The following PHF21B variants were observed in gnomAD, a reference collection of about 807,000 sequenced individuals.
PHF21B encodes PHD finger protein 4.
A neutral mutation model predicts 62.2 loss-of-function variants in PHF21B; 22 were observed. That is an observed-to-expected ratio of 0.35 (90% confidence interval 0.25 to 0.51). The LOEUF (loss-of-function observed/expected upper bound fraction) is 0.51, where lower values mean the gene tolerates loss of function less well. Among genes scored for constraint, PHF21B ranks in the 20% least tolerant of loss-of-function variants. The pLI is 0.97. For missense variants in PHF21B, 701 were observed against 707.9 expected (o/e 0.99, Z 0.11); for synonymous variants, 341 against 314.7 (o/e 1.08, Z -0.88).
At chr22:44,970,699 G>A (rs974766937) in intron 2 of PHF21B, among the ~76,000 whole-genome samples, 3 of 152,170 alleles carry the variant, frequency 2.0e-5, no homozygotes, top group South Asian at 4.1e-4. Flanking sequence ...TCCAGCCACA[G>A]AGAACCATGG....
chr22:44,958,597 G>GTTTTT (rs1569254952), intron 2 of PHF21B, among the ~76,000 whole-genome samples: 8 of 58,504 alleles, frequency 1.4e-4, no homozygotes, highest in African/African-American at 4.4e-4. Flanking sequence ...GCCTTCCTTT[G>GTTTTT]ATTTTTTTTT....
chr22:44,966,151 G>C (rs139648931), intron 2 of PHF21B, among the ~76,000 whole-genome samples: 2,214 of 152,206 alleles, frequency 0.015, 57 homozygotes, highest in African/African-American at 0.05. Context: ...CATCCCTCCA[G>C]TCCCTCGCTC....
At chr22:44,928,554 C>T (rs1020830354) in intron 2 of PHF21B, among the ~76,000 whole-genome samples, 6 of 152,112 alleles carry the variant, frequency 3.9e-5, no homozygotes, top group Non-Finnish European at 7.4e-5. Context: ...GGATTACAGG[C>T]GCCCACCACC....
intron 2 of PHF21B, among the ~76,000 whole-genome samples, chr22:44,998,715 T>A (rs1436102827): frequency 6.6e-6 from 1 of 152,224 alleles, no homozygotes; most frequent in Non-Finnish European, 1.5e-5. Flanking sequence ...GATGCCTCCC[T>A]GCTTTTCTAC....
chr22:44,928,779 C>T lies in PHF21B; in HGVS notation c.121-8289G>A, dbSNP rs561392133. 1.0e-3 allele frequency among the ~76,000 whole-genome samples: 154 copies of T among 152,346 alleles called. 2 individuals carry two copies. Among genetic ancestry groups the T allele is most frequent in the South Asian group, 1.0e-3 (5 of 4,834 alleles). On this transcript the variant is annotated intron_variant, in intron 2 of 12. Coordinates refer to ENST00000313237, the MANE Select transcript of PHF21B (RefSeq NM_138415.5). ...CGCTGGGTTTCTGTGGCTGCTTCCT[C>T]GCAGTGGGCCGTGTTTCCCATGGAG...
chr22:45,009,016 C>G lies in PHF21B; in HGVS notation c.55-406G>C, dbSNP rs922855132. 6.2e-6 allele frequency: 7 copies of G among 1,125,094 alleles called. No individual in the cohort carries two copies. Among genetic ancestry groups the G allele is most frequent in the Non-Finnish European group, 7.6e-6 (7 of 920,210 alleles). 69.7% of individuals were successfully genotyped at this position (1,125,094 alleles called of 1,614,324 possible). ...AATATTCAAGTCGCGTCCTAATCTC[C>G]CCAACACACACACGCGCACGCCGAG... On this transcript the variant is annotated intron_variant, in intron 1 of 12. Transcript: ENST00000313237. This position sits in a 1 kb window ranked among gnomAD's most constrained non-coding sequence, Gnocchi z 5.9.
chr22:44,995,015 C>T (rs919380182), intron 2 of PHF21B, among the ~76,000 whole-genome samples: 1 of 152,208 alleles, frequency 6.6e-6, no homozygotes, highest in African/African-American at 2.4e-5. Flanking sequence ...CCAGCCAGGT[C>T]CCCGGCTCTC....
intron 12 of PHF21B, among the ~76,000 whole-genome samples, chr22:44,884,573 C>A (rs1043342051): frequency 2.0e-5 from 3 of 151,694 alleles, no homozygotes; most frequent in African/African-American, 7.3e-5. Context: ...CCATTATCAC[C>A]ATCACTGTGA....
At chr22:44,979,276 T>C (rs1023868113) in intron 2 of PHF21B, among the ~76,000 whole-genome samples, 3 of 152,260 alleles carry the variant, frequency 2.0e-5, no homozygotes, top group Admixed American at 6.5e-5. Context: ...TCCTTTGGTA[T>C]TGGCGGCCTG....
chr22:45,005,010 T>A (rs1312869696), intron 2 of PHF21B, among the ~76,000 whole-genome samples: 1 of 152,124 alleles, frequency 6.6e-6, no homozygotes, highest in Non-Finnish European at 1.5e-5. Flanking sequence ...TGCATGAAGT[T>A]CAGGTCTGGA....
chr22:44,896,250 T>C (rs1459492170), intron 5 of PHF21B, among the ~76,000 whole-genome samples, 167 bp from the exon 6 acceptor site: 1 of 152,142 alleles, frequency 6.6e-6, no homozygotes, highest in African/African-American at 2.4e-5. Flanking sequence ...CGTGGGGAAA[T>C]AGGATTTCCA....
At chr22:44,966,438 C>T (rs920483462) in intron 2 of PHF21B, among the ~76,000 whole-genome samples, 8 of 152,204 alleles carry the variant, frequency 5.3e-5, no homozygotes, top group African/African-American at 1.7e-4. Flanking sequence ...GGCAGGCCAG[C>T]GTCTACTGGG....
intron 2 of PHF21B, among the ~76,000 whole-genome samples, chr22:44,965,590 T>A (rs1157305967): frequency 6.6e-6 from 1 of 152,178 alleles, no homozygotes; most frequent in Non-Finnish European, 1.5e-5. Flanking sequence ...CCCTGCCTCC[T>A]TTCCCAGCAC....
At chr22:44,890,622 C>G (rs942519947) in intron 8 of PHF21B, among the ~76,000 whole-genome samples, 4 of 152,210 alleles carry the variant, frequency 2.6e-5, no homozygotes, top group Admixed American at 2.0e-4. Flanking sequence ...ATTTCCTGCT[C>G]GTGGGACTAT....
chr22:44,964,366 CG>C (rs1569259173), intron 2 of PHF21B, among the ~76,000 whole-genome samples: 1 of 152,176 alleles, frequency 6.6e-6, no homozygotes, highest in African/African-American at 2.4e-5. Flanking sequence ...TGGTGCACCC[CG>C]GCCCCCCTGC....
chr22:44,993,815 T>G (rs1206100336), intron 2 of PHF21B, among the ~76,000 whole-genome samples: 1 of 152,138 alleles, frequency 6.6e-6, no homozygotes, highest in Non-Finnish European at 1.5e-5. Flanking sequence ...TGAGAACAAA[T>G]CAGGGTGAAA....
chr22:44,948,310 G>A (rs551018989), intron 2 of PHF21B, among the ~76,000 whole-genome samples: 4 of 152,298 alleles, frequency 2.6e-5, no homozygotes, highest in Non-Finnish European at 4.4e-5. Context: ...GGTGGGTGAT[G>A]GGGACAGTGA....
intron 5 of PHF21B, among the ~76,000 whole-genome samples, chr22:44,899,997 T>C (rs1031610361): frequency 6.6e-6 from 1 of 152,226 alleles, no homozygotes. Context: ...AAAATGGTTC[T>C]CTTTAATTTT....
In PHF21B at chr22:44,917,719, G is replaced by A. The variant is rs145406918; in HGVS notation, c.214-1089C>T. Among the ~76,000 whole-genome samples, 36 of 152,322 alleles carry A rather than the reference G, an allele frequency of 2.4e-4. No homozygotes were observed. In the East Asian group the frequency reaches 5.4e-3, roughly 23 times the overall value. ...CTGGCATCGGTGAAGGGCACAGAGCGCTGTACTGCCCCGCCCATCTCCTCC... is the reference window on the plus strand; with the variant it reads ...CTGGCATCGGTGAAGGGCACAGAGCACTGTACTGCCCCGCCCATCTCCTCC... On this transcript the variant is annotated intron_variant, in intron 3 of 12. Transcript: ENST00000313237.
Sources: allele counts gnomAD v4.1 joint callset (sites outside exome capture counted in the v4.1 genomes callset), GRCh38; gene constraint gnomAD v4.1.1; non-coding constraint Gnocchi (gnomAD v3.1); transcripts MANE v1.5; gene names NCBI Gene and HGNC (gene_info 2026-07-23, HGNC 2026-07-21).